OR6C1: variants seen among roughly 807,000 people sequenced by gnomAD.
OR6C1 encodes olfactory receptor 6C1.
For missense variants in OR6C1, 386 were observed against 366.1 expected (o/e 1.05, Z -0.44); for synonymous variants, 157 against 133.3 (o/e 1.18, Z -1.22).
chr12:55,314,737 A>G (rs1370182684), intron 1 of OR6C1, 138 bp downstream of exon 1: 6 of 151,650 alleles, frequency 4.0e-5, no homozygotes, highest in African/African-American at 1.4e-4. Context: ...AAAAAGGATT[A>G]GCATGTCCTA....
chr12:55,321,099 G>C lies in OR6C1; in HGVS notation c.500G>C (p.Cys167Ser), dbSNP rs567938890. 2 of 1,613,076 alleles carry C rather than the reference G, an allele frequency of 1.2e-6. No homozygotes were observed. Among genetic ancestry groups the C allele is most frequent in the South Asian group, 2.2e-5 (2 of 91,024 alleles). ...ATGTTGCTTTTAAAGCTTCATTACT[G>C]TAGGTCTAATATTATTGACCATTTT... ...ALMLLLKLHY[C>S]RSNIIDHFTC... Residue 167 changes from cysteine to serine, a missense_variant, in exon 2 of 2, where the codon TGT becomes TCT. By Grantham distance (112) the Cys-to-Ser change is moderately radical. Transcript: ENST00000642104.
Position 55,321,798 on chromosome 12 carries a change from T to A in OR6C1, c.*260T>A, listed in dbSNP as rs1001104142. 1.4e-5 allele frequency: 4 copies of A among 290,658 alleles called. No homozygotes were observed. Among genetic ancestry groups the A allele is most frequent in the East Asian group, 6.1e-5 (1 of 16,470 alleles). 18.0% of individuals were successfully genotyped at this position (290,658 alleles called of 1,614,324 possible). Reference sequence around the variant, plus strand: ...TTTGAAAACTAAAATTATTCTTCAGTTTACTTCAAGAAATAAAATTATACC... The same window carrying A: ...TTTGAAAACTAAAATTATTCTTCAGATTACTTCAAGAAATAAAATTATACC... On this transcript the variant is annotated 3_prime_UTR_variant, in exon 2 of 2. Coordinates refer to ENST00000642104, the MANE Select transcript of OR6C1 (RefSeq NM_001005182.2).
At chr12:55,320,406 G>A (rs1868510263) in intron 1 of OR6C1, among the ~76,000 whole-genome samples, 161 bp from the exon 2 acceptor site, 1 of 152,120 alleles carries the variant, frequency 6.6e-6, no homozygotes, top group Admixed American at 6.6e-5. Context: ...GTTTTCACCT[G>A]TAAAACAGTG....
chr12:55,320,567 G>T lies in OR6C1; in HGVS notation c.-33G>T, dbSNP rs1466932466. 8.0e-7 allele frequency: 1 copy of T among 1,253,078 alleles called. No individual in the cohort carries two copies. 77.6% of individuals were successfully genotyped at this position (1,253,078 alleles called of 1,614,324 possible). On this transcript the variant is annotated splice_region_variant and 5_prime_UTR_variant, in exon 2 of 2. Coordinates refer to ENST00000642104, the MANE Select transcript of OR6C1 (RefSeq NM_001005182.2). ...TTGTTCTTTGTACTTTCTCTTGTAGGTCTGGCAGGGGAAAAAAGAAAGCAA... is the reference window on the plus strand; with the variant it reads ...TTGTTCTTTGTACTTTCTCTTGTAGTTCTGGCAGGGGAAAAAAGAAAGCAA...
At position 55,320,921 on chromosome 12, in the gene OR6C1, A is replaced by T; in HGVS notation, c.322A>T (p.Thr108Ser). 1 of 1,614,010 alleles carries T rather than the reference A, an allele frequency of 6.2e-7. No homozygotes were observed. The highest frequency in any genetic ancestry group is 1.3e-5 in the African/African-American group (1 of 75,048). The change falls in exon 2 of 2, where the codon ACA becomes TCA. Residue 108 changes from threonine (T) to serine (S), a missense_variant. Coordinates refer to ENST00000642104, the MANE Select transcript of OR6C1 (RefSeq NM_001005182.2). ...QLFFFILLGVTEFYLLAAMSY... is the reference protein window; with the variant it reads ...QLFFFILLGVSEFYLLAAMSY... ...ATTTTTCTTCATTCTCTTGGGAGTC[A>T]CAGAGTTTTACCTTCTGGCTGCCAT... is the stretch of plus-strand genomic sequence containing the variant.
At chr12:55,319,203 G>C (rs1400334103) in intron 1 of OR6C1, among the ~76,000 whole-genome samples, 1 of 152,108 alleles carries the variant, frequency 6.6e-6, no homozygotes, top group Admixed American at 6.6e-5. Flanking sequence ...GGCTCTTCCA[G>C]CTTACATTAT....
Position 55,321,127 on chromosome 12 carries a change from C to T in OR6C1, c.528C>T (p.Thr176=). 6.2e-7 allele frequency: 1 copy of T among 1,613,826 alleles called. No homozygotes were observed. Among genetic ancestry groups the T allele is most frequent in the Non-Finnish European group, 8.5e-7 (1 of 1,179,860 alleles). The change falls in exon 2 of 2, where the codon ACC becomes ACT. Residue 176 remains threonine (T), a synonymous_variant. Transcript: ENST00000642104. ...GGTCTAATATTATTGACCATTTTACCTGTGATTATTTTCCACTGCTGCAAC... is the reference window on the plus strand; with the variant it reads ...GGTCTAATATTATTGACCATTTTACTTGTGATTATTTTCCACTGCTGCAAC... The part of the protein sequence containing the change: ...YCRSNIIDHF[T]CDYFPLLQLA...
At chr12:55,315,745 A>G (rs1868397754) in intron 1 of OR6C1, among the ~76,000 whole-genome samples, 1 of 151,702 alleles carries the variant, frequency 6.6e-6, no homozygotes, top group Non-Finnish European at 1.5e-5. Flanking sequence ...AGAATTTCTC[A>G]AAGTAACCCT....
In OR6C1 at chr12:55,321,057, T is replaced by C. The variant is rs751776722; in HGVS notation, c.458T>C (p.Ile153Thr). 13 of 1,613,558 alleles carry C rather than the reference T, an allele frequency of 8.1e-6. No individual in the cohort carries two copies. The highest frequency in any genetic ancestry group is 1.1e-5 in the Non-Finnish European group (13 of 1,179,744). The stretch of plus-strand genomic sequence containing the variant: ...ACTTCTTGGCTGGTTTCATTCTTAA[T>C]CATATTCCCAGCACTCATGTTGCTT... Reference protein sequence around the residue: ...VFTSWLVSFLIIFPALMLLLK... With the variant: ...VFTSWLVSFLTIFPALMLLLK... The change falls in exon 2 of 2, where the codon ATC becomes ACC. Residue 153 changes from isoleucine to threonine, a missense_variant. By Grantham distance (89) the Ile-to-Thr change is moderately conservative. Coordinates refer to ENST00000642104, the MANE Select transcript of OR6C1 (RefSeq NM_001005182.2).
At chr12:55,319,064 C>T (rs1056340992) in intron 1 of OR6C1, among the ~76,000 whole-genome samples, 2 of 152,062 alleles carry the variant, frequency 1.3e-5, no homozygotes, top group African/African-American at 4.8e-5. Flanking sequence ...TTATTATTTA[C>T]TTATTTATTT....
Position 55,320,859 on chromosome 12 carries a change from A to G in OR6C1, c.260A>G (p.Asp87Gly). 6.2e-7 allele frequency: 1 copy of G among 1,613,906 alleles called. No homozygotes were observed. Residue 87 changes from aspartate to glycine, a missense_variant, in exon 2 of 2, where the codon GAT becomes GGT. Coordinates refer to ENST00000642104, the MANE Select transcript of OR6C1 (RefSeq NM_001005182.2). ...TTTCTGGGTAACATTATTTCAGGAG[A>G]TAAAACCATTTCCTTTAATAATTGC... is the stretch of plus-strand genomic sequence containing the variant. ...PKFLGNIISG[D>G]KTISFNNCIV...
chr12:55,316,502 T>C (rs936279765), intron 1 of OR6C1, among the ~76,000 whole-genome samples: 2 of 151,872 alleles, frequency 1.3e-5, no homozygotes, highest in Admixed American at 1.3e-4. Flanking sequence ...CTAAGCCATA[T>C]TCTTCCAGGA....
chr12:55,314,691 G>A (rs144871269), intron 1 of OR6C1, 92 bp downstream of exon 1: 52 of 151,576 alleles, frequency 3.4e-4, no homozygotes, highest in Non-Finnish European at 5.9e-4. Flanking sequence ...AAGTAAATAG[G>A]TATTATACTT....
At chr12:55,316,608 C>G (rs1868414513) in intron 1 of OR6C1, among the ~76,000 whole-genome samples, 1 of 151,868 alleles carries the variant, frequency 6.6e-6, no homozygotes, top group African/African-American at 2.4e-5. Flanking sequence ...GTCCTGAGAT[C>G]TTTTAATTCT....
Position 55,321,410 on chromosome 12 carries a change from G to A in OR6C1, c.811G>A (p.Gly271Arg), listed in dbSNP as rs1319739282. The change falls in exon 2 of 2, where the codon GGA becomes AGA. Residue 271 changes from glycine (G) to arginine (R), a missense_variant. Transcript: ENST00000642104. ...AAAAGATAGAGTGTCCTTGAGCAAG[G>A]GAGTGGCAATACTAAACACCTCAGT... ...SAKDRVSLSKGVAILNTSVAP... is the reference protein window; with the variant it reads ...SAKDRVSLSKRVAILNTSVAP... 1 of 1,613,784 alleles carries A rather than the reference G, an allele frequency of 6.2e-7. No homozygotes were observed. The highest frequency in any genetic ancestry group is 1.1e-5 in the South Asian group (1 of 91,070).
intron 1 of OR6C1, among the ~76,000 whole-genome samples, chr12:55,319,514 G>A (rs1011718642): frequency 6.6e-6 from 1 of 152,152 alleles, no homozygotes; most frequent in Non-Finnish European, 1.5e-5. Context: ...GTTATTTATT[G>A]CTCTTCAAGA....
chr12:55,317,304 T>C (rs1868425691), intron 1 of OR6C1, among the ~76,000 whole-genome samples: 2 of 151,956 alleles, frequency 1.3e-5, no homozygotes, highest in South Asian at 2.1e-4. Context: ...TGGAGTAAAG[T>C]GAAATGAAAG....
chr12:55,320,869 T>C lies in OR6C1; in HGVS notation c.270T>C (p.Ile90=), dbSNP rs1868526233. 6.2e-7 allele frequency: 1 copy of C among 1,613,858 alleles called. No individual in the cohort carries two copies. Among genetic ancestry groups the C allele is most frequent in the East Asian group, 2.2e-5 (1 of 44,884 alleles). ...ACATTATTTCAGGAGATAAAACCAT[T>C]TCCTTTAATAATTGCATAGTTCAGT... ...LGNIISGDKT[I]SFNNCIVQLF... The change falls in exon 2 of 2, where the codon ATT becomes ATC. Residue 90 remains isoleucine, a synonymous_variant. Transcript: ENST00000642104.
chr12:55,320,130 G>A (rs1044601333), intron 1 of OR6C1, among the ~76,000 whole-genome samples: 2 of 151,980 alleles, frequency 1.3e-5, no homozygotes, highest in Non-Finnish European at 2.9e-5. Context: ...GACAGAGTGA[G>A]ACTCCACCTC....
Sources: gnomAD v4.1 joint callset for allele counts (sites outside exome capture counted in the v4.1 genomes callset) on GRCh38, gnomAD v4.1.1 for gene constraint, MANE v1.5 for transcripts, NCBI Gene and HGNC (gene_info 2026-07-23, HGNC 2026-07-21) for gene names.